Variants in FLI1 observed in about 807,000 individuals in gnomAD.
FLI1 encodes the protein Fli-1 proto-oncogene, ETS transcription factor.
Under a neutral mutation model 53.1 loss-of-function variants are expected in FLI1, and 13 were observed. That is an observed-to-expected ratio of 0.24 (90% CI 0.16 to 0.39). FLI1 has a LOEUF of 0.39. Ranked by LOEUF, FLI1 falls within the 10% of genes least tolerant of loss-of-function variation. FLI1 has a pLI of 1.00. For missense variants in FLI1, 424 were observed against 600.5 expected (o/e 0.71, Z 3.07); for synonymous variants, 244 against 236.7 (o/e 1.03, Z -0.28).
At chr11:128,774,532 G>C (rs868280290) in intron 4 of FLI1, among the ~76,000 whole-genome samples, 2 of 152,204 alleles carry the variant, frequency 1.3e-5, no homozygotes, top group African/African-American at 4.8e-5. Context: ...TGGGTGTGTG[G>C]AGGTTAGCAT....
intron 1 of FLI1, among the ~76,000 whole-genome samples, chr11:128,754,853 TCTC>T (rs1940799630): frequency 1.3e-5 from 2 of 152,270 alleles, no homozygotes; most frequent in Non-Finnish European, 2.9e-5. Context: ...ACCGGGACGC[TCTC>T]CTCCTACAAT....
chr11:128,795,407 ATATT>A (rs751797462), intron 5 of FLI1, among the ~76,000 whole-genome samples: 2 of 152,202 alleles, frequency 1.3e-5, no homozygotes, highest in Non-Finnish European at 2.9e-5. Flanking sequence ...ATACCATTGA[ATATT>A]TACTCAATCC....
At chr11:128,789,943 G>C (rs892672434) in intron 5 of FLI1, among the ~76,000 whole-genome samples, 9 of 152,118 alleles carry the variant, frequency 5.9e-5, no homozygotes, top group East Asian at 3.9e-4. Context: ...GGGTATCGCG[G>C]CCTCACAGGA....
At chr11:128,752,619 C>A (rs1221482637) in intron 1 of FLI1, among the ~76,000 whole-genome samples, 3 of 152,202 alleles carry the variant, frequency 2.0e-5, no homozygotes, top group Non-Finnish European at 4.4e-5. Flanking sequence ...AGGCTGTAGA[C>A]CTGAATTTGG....
At chr11:128,711,929 A>C (rs1410652015) in intron 1 of FLI1, among the ~76,000 whole-genome samples, 1 of 152,196 alleles carries the variant, frequency 6.6e-6, no homozygotes, top group African/African-American at 2.4e-5. Context: ...TTTTTTAAAA[A>C]AATTTTATTT....
At chr11:128,686,305 C>A (rs1337787416), upstream of FLI1, 1 of 455,852 alleles carries the variant, frequency 2.2e-6, no homozygotes, top group East Asian at 7.0e-5. Context: ...CTGCGGGCAT[C>A]CCCAGTTCGA....
chr11:128,795,531 T>TA (rs1317166441), intron 5 of FLI1, among the ~76,000 whole-genome samples: 1 of 151,742 alleles, frequency 6.6e-6, no homozygotes, highest in Non-Finnish European at 1.5e-5. Context: ...GCTAGAGTTC[T>TA]GTAGGATGCG....
At chr11:128,798,245 C>T (rs1017386657) in intron 5 of FLI1, among the ~76,000 whole-genome samples, 3 of 152,186 alleles carry the variant, frequency 2.0e-5, no homozygotes, top group Non-Finnish European at 4.4e-5. Context: ...CCCAGTTAAT[C>T]TAGTCAGTAT....
intron 2 of FLI1, among the ~76,000 whole-genome samples, chr11:128,766,033 A>G (rs1191153113): frequency 1.3e-5 from 2 of 152,070 alleles, no homozygotes; most frequent in Non-Finnish European, 2.9e-5. Flanking sequence ...CTGTTGAAGT[A>G]TGTGCATGCA....
At chr11:128,767,903 A>T (rs1941403457) in intron 2 of FLI1, among the ~76,000 whole-genome samples, 2 of 152,204 alleles carry the variant, frequency 1.3e-5, no homozygotes, top group Admixed American at 1.3e-4. Context: ...AGCAGTTTTT[A>T]CGTACTGTAA....
At chr11:128,750,520 AGG>A (rs1342323733) in intron 1 of FLI1, among the ~76,000 whole-genome samples, 1 of 152,224 alleles carries the variant, frequency 6.6e-6, no homozygotes, top group East Asian at 1.9e-4. Context: ...TCCCACACAC[AGG>A]ATAATGGCAG....
chr11:128,788,395 G>A (rs1942164893), intron 5 of FLI1, among the ~76,000 whole-genome samples: 1 of 152,082 alleles, frequency 6.6e-6, no homozygotes, highest in Non-Finnish European at 1.5e-5. Flanking sequence ...CTTGAACCCG[G>A]GAGGCGGAGG....
chr11:128,738,260 C>T (rs957914745), intron 1 of FLI1, among the ~76,000 whole-genome samples: 2 of 152,182 alleles, frequency 1.3e-5, no homozygotes, highest in African/African-American at 4.8e-5. Flanking sequence ...GGACCTCTGG[C>T]TCCATGCTGT....
At chr11:128,708,821 G>T (rs537073195) in intron 1 of FLI1, among the ~76,000 whole-genome samples, 2 of 152,276 alleles carry the variant, frequency 1.3e-5, no homozygotes, top group African/African-American at 4.8e-5. Flanking sequence ...TAAAGAAAGA[G>T]CACCCGCCCC....
chr11:128,780,455 C>T (rs1445742346), intron 4 of FLI1, among the ~76,000 whole-genome samples: 2 of 152,176 alleles, frequency 1.3e-5, no homozygotes, highest in Admixed American at 1.3e-4. Context: ...ATTAGCCGAG[C>T]ATGGTGGCAC....
chr11:128,715,504 T>C (rs1054660615), intron 1 of FLI1, among the ~76,000 whole-genome samples: 2 of 152,246 alleles, frequency 1.3e-5, no homozygotes, highest in Admixed American at 1.3e-4. Context: ...GCAACTTCCA[T>C]GGGACTACCA....
rs142097208 is a variant in FLI1 at position 128,810,392 on chromosome 11, G to A, written c.830-67G>A. ...AGGATGAGAAGCTCCCTGCATTTAG[G>A]GAACTGGGTTCTGCCTTCTCTGGGC... On this transcript the variant is annotated intron_variant, in intron 8 of 8. Coordinates refer to ENST00000527786, the MANE Select transcript of FLI1 (RefSeq NM_002017.5). This position sits in a 1 kb window ranked among gnomAD's most constrained non-coding sequence, Gnocchi z 6.6. 1.4e-6 allele frequency: 2 copies of A among 1,456,864 alleles called. No individual in the cohort carries two copies. Among genetic ancestry groups the A allele is most frequent in the Non-Finnish European group, 1.8e-6 (2 of 1,084,976 alleles). The allele number at this position is 1,456,864 out of a possible 1,614,324, so 90.2% of individuals were successfully genotyped here.
chr11:128,688,464 A>C (rs1053185944), intron 1 of FLI1, among the ~76,000 whole-genome samples: 2 of 152,210 alleles, frequency 1.3e-5, no homozygotes, highest in Non-Finnish European at 2.9e-5. Context: ...GGCTCCCTCC[A>C]TCGAACATTT....
intron 1 of FLI1, among the ~76,000 whole-genome samples, chr11:128,748,529 A>G (rs531718649): frequency 6.6e-6 from 1 of 152,204 alleles, no homozygotes; most frequent in South Asian, 2.1e-4. Flanking sequence ...GCTACTCAGG[A>G]GGCTGAGGCA....
Sources: gnomAD v4.1 joint callset for allele counts (sites outside exome capture counted in the v4.1 genomes callset) on GRCh38, gnomAD v4.1.1 for gene constraint, Gnocchi (gnomAD v3.1) non-coding constraint, MANE v1.5 for transcripts, NCBI Gene and HGNC (gene_info 2026-07-23, HGNC 2026-07-21) for gene names.